Variants in EYA2 observed in about 807,000 individuals in gnomAD.
EYA2 encodes the protein EYA transcriptional coactivator and phosphatase 2.
In EYA2, 31 loss-of-function variants were observed where a neutral mutation model predicts 69.2. That is an observed-to-expected ratio of 0.45 (90% CI 0.34 to 0.60). EYA2 has a LOEUF of 0.60. Among genes scored for constraint, EYA2 ranks in the 20% least tolerant of loss-of-function variants. The pLI is 0.02. For synonymous variants in EYA2, 257 were observed against 279.4 expected (o/e 0.92, Z 0.80); for missense variants, 622 against 701.2 (o/e 0.89, Z 1.28).
intron 5 of EYA2, among the ~76,000 whole-genome samples, chr20:47,057,380 T>C (rs7343392): frequency 2.0e-5 from 3 of 152,288 alleles, no homozygotes; most frequent in African/African-American, 7.2e-5. Context: ...AAGCCTGGGA[T>C]TTGTCCCTTT....
At chr20:47,001,315 C>T (rs771635974) in intron 2 of EYA2, 113 bp from the exon 3 acceptor site, 30 of 878,480 alleles carry the variant, frequency 3.4e-5, no homozygotes, top group African/African-American at 9.9e-5. Flanking sequence ...GAGAAAGCCG[C>T]GGGCAGCACC....
At chr20:46,935,610 C>T (rs953823964) in intron 1 of EYA2, among the ~76,000 whole-genome samples, 17 of 152,196 alleles carry the variant, frequency 1.1e-4, no homozygotes, top group East Asian at 3.9e-4. Flanking sequence ...GTGCACATGA[C>T]GTCACCTCTC....
chr20:46,917,624 G>A (rs192542927), intron 1 of EYA2, among the ~76,000 whole-genome samples: 70 of 152,308 alleles, frequency 4.6e-4, no homozygotes, highest in African/African-American at 1.6e-3. Flanking sequence ...TCGCAGTAAA[G>A]CAAGTCACGT....
In EYA2 at chr20:47,034,829, A is replaced by T. The variant is rs562897183; in HGVS notation, c.415+18532A>T. 6.5e-4 allele frequency among the ~76,000 whole-genome samples: 99 copies of T among 152,274 alleles called. 1 individual carries two copies. Among genetic ancestry groups the T allele is most frequent in the African/African-American group, 2.3e-3 (95 of 41,544 alleles). ...TGGAAGCTCAGAGGGAGACTGTCCC[A>T]TGCCTCTCTCCTGGCTTCTGGTGGT... On this transcript the variant is annotated intron_variant, in intron 5 of 15. Transcript: ENST00000327619.
At chr20:46,911,001 C>G (rs1984618168) in intron 1 of EYA2, among the ~76,000 whole-genome samples, 1 of 152,210 alleles carries the variant, frequency 6.6e-6, no homozygotes, top group African/African-American at 2.4e-5. Context: ...CTCTCCAACA[C>G]CGAGGTTCAG....
rs757617568 is a variant in EYA2, at chr20:47,004,921, ATCTTCCCTCT to A, written c.156-19_156-10del. 1 of 1,613,992 alleles carries A rather than the reference ATCTTCCCTCT, an allele frequency of 6.2e-7. No homozygotes were observed. On this transcript the variant is annotated splice_polypyrimidine_tract_variant and intron_variant, in intron 3 of 15. Transcript: ENST00000327619. Reference sequence around the variant, plus strand: ...GTGCCAGACTGGGCCTGGAGATTTAATCTTCCCTCTTTCCACACAGATCTTGCCCACGTGT... The same window carrying A: ...GTGCCAGACTGGGCCTGGAGATTTAATTCCACACAGATCTTGCCCACGTGT...
intron 1 of EYA2, among the ~76,000 whole-genome samples, chr20:46,962,914 G>A (rs1190141054): frequency 1.3e-5 from 2 of 152,200 alleles, no homozygotes; most frequent in Non-Finnish European, 2.9e-5. Context: ...CTGCCTGCGT[G>A]GCAAGTCCAA....
chr20:47,109,632 C>T (rs755949424), intron 9 of EYA2, among the ~76,000 whole-genome samples: 1 of 152,204 alleles, frequency 6.6e-6, no homozygotes, highest in Non-Finnish European at 1.5e-5. Flanking sequence ...ATCCTCCTGC[C>T]TCAGCCTCCC....
At chr20:46,942,062 G>A (rs1016722221) in intron 1 of EYA2, among the ~76,000 whole-genome samples, 3 of 152,184 alleles carry the variant, frequency 2.0e-5, no homozygotes, top group Admixed American at 6.5e-5. Flanking sequence ...TGGCCTAGAC[G>A]TGGGTTCTGA....
intron 7 of EYA2, among the ~76,000 whole-genome samples, chr20:47,086,854 C>T (rs1301248477): frequency 6.6e-6 from 1 of 151,760 alleles, no homozygotes; most frequent in African/African-American, 2.4e-5. Context: ...TCACACAGAC[C>T]TTATTTTAGA....
chr20:47,088,902 A>G (rs1052017360), intron 7 of EYA2, among the ~76,000 whole-genome samples: 4 of 152,032 alleles, frequency 2.6e-5, no homozygotes, highest in Admixed American at 2.0e-4. Context: ...TCTGTGGCAC[A>G]TTTCCCTCCC....
In EYA2 at chr20:47,143,026, G is replaced by A. The variant is rs747918390; in HGVS notation, c.889-33G>A. 3.8e-5 allele frequency: 61 copies of A among 1,597,312 alleles called. 1 individual carries two copies. In the Admixed American group the frequency reaches 4.2e-4, roughly 11 times the overall value. On this transcript the variant is annotated intron_variant, in intron 9 of 15. Transcript: ENST00000327619. ...GTAGCTAAGATTCCTCAGGCTCCGC[G>A]TGCATGTGATTTTCCCCTTCTCTGC...
chr20:47,112,111 A>G (rs1394272819), intron 9 of EYA2, among the ~76,000 whole-genome samples: 1 of 152,192 alleles, frequency 6.6e-6, no homozygotes, highest in African/African-American at 2.4e-5. Flanking sequence ...ACTGCACTCC[A>G]GTTTGGCCAA....
At chr20:47,036,855 T>C (rs991476814) in intron 5 of EYA2, among the ~76,000 whole-genome samples, 2 of 152,348 alleles carry the variant, frequency 1.3e-5, no homozygotes, top group African/African-American at 2.4e-5. Context: ...TTATCAACTA[T>C]GTGACAGGCA....
rs568773441 is a variant in EYA2 at position 46,958,827 on chromosome 20, G to A, written c.-10-31174G>A. Among the ~76,000 whole-genome samples the A allele has an allele frequency of 2.6e-5, 4 of 152,234 alleles. No individual in the cohort carries two copies. In the South Asian group the frequency reaches 8.3e-4, roughly 32 times the overall value. ...TCTGTTCCCGTGATAGTTTGCTAAGGGTAATGGCCTCAAGCTCCATCCATG... is the reference window on the plus strand; with the variant it reads ...TCTGTTCCCGTGATAGTTTGCTAAGAGTAATGGCCTCAAGCTCCATCCATG... On this transcript the variant is annotated intron_variant, in intron 1 of 15. Transcript: ENST00000327619.
chr20:47,105,699 AT>A (rs1017468530), intron 9 of EYA2, among the ~76,000 whole-genome samples: 2 of 151,716 alleles, frequency 1.3e-5, no homozygotes, highest in African/African-American at 4.8e-5. Context: ...TGTATTATTT[AT>A]TACCTGCCCT....
At chr20:47,127,351 C>T (rs896528697) in intron 9 of EYA2, among the ~76,000 whole-genome samples, 2 of 152,118 alleles carry the variant, frequency 1.3e-5, no homozygotes, top group African/African-American at 4.8e-5. Context: ...TGCTTGTAAT[C>T]CCAGCACTTT....
intron 4 of EYA2, among the ~76,000 whole-genome samples, chr20:47,008,339 G>A (rs1982849809): frequency 6.6e-6 from 1 of 152,220 alleles, no homozygotes. Context: ...GTGGAATTAA[G>A]CCCAGGCAGC....
chr20:46,967,661 T>C (rs764096711), intron 1 of EYA2, among the ~76,000 whole-genome samples: 22 of 152,148 alleles, frequency 1.4e-4, no homozygotes, highest in Admixed American at 6.5e-4. Flanking sequence ...GGTAAAATGC[T>C]GGTATCACCA....
Sources: gnomAD v4.1 joint callset for allele counts (sites outside exome capture counted in the v4.1 genomes callset) on GRCh38, gnomAD v4.1.1 for gene constraint, MANE v1.5 for transcripts, NCBI Gene and HGNC (gene_info 2026-07-23, HGNC 2026-07-21) for gene names.